The following CELF5 variants were observed in gnomAD, a reference collection of about 807,000 sequenced individuals.
The protein encoded by CELF5 is CUG-BP and ETR-3 like factor 5.
Under a neutral mutation model 54.9 loss-of-function variants are expected in CELF5, and 6 were observed. The observed-to-expected ratio is 0.11, with a 90% CI of 0.06 to 0.22. The LOEUF (loss-of-function observed/expected upper bound fraction) is 0.22, where lower values mean the gene tolerates loss of function less well. Ranked by LOEUF, CELF5 falls within the 10% of genes least tolerant of loss-of-function variation. CELF5 has a pLI of 1.00. For synonymous variants in CELF5, 271 were observed against 290.9 expected (o/e 0.93, Z 0.70); for missense variants, 401 against 678.6 (o/e 0.59, Z 4.54).
intron 2 of CELF5, among the ~76,000 whole-genome samples, chr19:3,271,418 G>T (rs564924106): frequency 6.6e-6 from 1 of 152,256 alleles, no homozygotes; most frequent in South Asian, 2.1e-4. Flanking sequence ...CTGGCTGGGT[G>T]GGGGAAGAGC....
At chr19:3,262,672 C>A (rs561993253) in intron 2 of CELF5, among the ~76,000 whole-genome samples, 1 of 152,052 alleles carries the variant, frequency 6.6e-6, no homozygotes, top group Non-Finnish European at 1.5e-5. Flanking sequence ...ACTTAAGGGC[C>A]GGGCGCAGTG....
At chr19:3,239,551 T>G (rs1219756665) in intron 1 of CELF5, among the ~76,000 whole-genome samples, 1 of 150,518 alleles carries the variant, frequency 6.6e-6, no homozygotes, top group Non-Finnish European at 1.5e-5. Flanking sequence ...TTTTTTTTTT[T>G]CAGTAGAGTT....
rs1182316528 is a variant in CELF5 at position 3,282,456 on chromosome 19, G to T, written c.997G>T (p.Ala333Ser). 1.2e-6 allele frequency: 2 copies of T among 1,613,660 alleles called. No individual in the cohort carries two copies. Among genetic ancestry groups the T allele is most frequent in the Non-Finnish European group, 1.7e-6 (2 of 1,180,046 alleles). ...GVVPFPGGHP[A>S]LETVYANGLV... ...CGTGCCCTTTCCAGGTGGGCACCCTGCCCTGGAAACCGTCTATGCCAATGG... is the reference window on the plus strand; with the variant it reads ...CGTGCCCTTTCCAGGTGGGCACCCTTCCCTGGAAACCGTCTATGCCAATGG... The change falls in exon 8 of 13, where the codon GCC (alanine) becomes TCC (serine). Residue 333 changes from alanine (A) to serine (S), a missense_variant. Physicochemically the swap from Ala to Ser is moderately conservative, Grantham distance 99. This residue lies in a region of CELF5 where 143 missense variants were observed against 147.6 expected (regional missense o/e 0.97). Coordinates refer to ENST00000292672, the MANE Select transcript of CELF5 (RefSeq NM_021938.4). The surrounding 1 kb of genome is among the most constrained non-coding windows in gnomAD (Gnocchi z 5.2).
At chr19:3,290,595 G>A (rs571006482) in intron 11 of CELF5, among the ~76,000 whole-genome samples, 7 of 142,352 alleles carry the variant, frequency 4.9e-5, no homozygotes, top group Non-Finnish European at 9.0e-5. Flanking sequence ...ACAGAGTCTC[G>A]CTCTGTCGCC....
At chr19:3,244,185 G>GGAAGATTT (rs894812276) in intron 1 of CELF5, among the ~76,000 whole-genome samples, 4 of 152,060 alleles carry the variant, frequency 2.6e-5, no homozygotes, top group African/African-American at 9.7e-5. Context: ...GAAGCCATAA[G>GGAAGATTT]GAAGATTTTC....
At chr19:3,264,575 C>G (rs138070773) in intron 2 of CELF5, among the ~76,000 whole-genome samples, 1 of 151,882 alleles carries the variant, frequency 6.6e-6, no homozygotes, top group African/African-American at 2.4e-5. Context: ...GCCACCACGC[C>G]CGGCTAATGT....
chr19:3,240,814 T>A (rs913525098), intron 1 of CELF5, among the ~76,000 whole-genome samples: 3 of 151,844 alleles, frequency 2.0e-5, no homozygotes, highest in Admixed American at 2.0e-4. Flanking sequence ...GACAGGAGTG[T>A]CAGGCTCTGC....
intron 10 of CELF5, among the ~76,000 whole-genome samples, chr19:3,289,681 C>CAAAAA (rs35144942): frequency 0.043 from 2,022 of 47,134 alleles, 446 homozygotes; most frequent in Middle Eastern, 0.074. Context: ...GACTCCATCT[C>CAAAAA]AAAAAAAAAA....
intron 1 of CELF5, among the ~76,000 whole-genome samples, chr19:3,230,432 T>A (rs1917201443): frequency 6.6e-6 from 1 of 152,220 alleles, no homozygotes; most frequent in African/African-American, 2.4e-5. Flanking sequence ...GGTACATGTC[T>A]TGACTTCCTG....
rs1491140762 is a variant in CELF5 at position 3,248,905 on chromosome 19, C to CCTTCCTTCCTTT, written c.260-2077_260-2076insCCTTCCTTTCTT. ...TCCTTCCTTCCTTCCTTCCTTCCTT[C>CCTTCCTTCCTTT]CTTTCTTTCTTTCTTTCTTTCTTTT... On this transcript the variant is annotated intron_variant, in intron 1 of 12. Transcript: ENST00000292672. Among the ~76,000 whole-genome samples, 313 of 94,116 alleles carry CCTTCCTTCCTTT rather than the reference C, an allele frequency of 3.3e-3. 1 individual carries two copies. Among genetic ancestry groups the CCTTCCTTCCTTT allele is most frequent in the East Asian group, 0.026 (47 of 1,838 alleles). The allele number at this position is 94,116 out of a possible 152,430, so 61.7% of individuals were successfully genotyped here.
chr19:3,252,513 G>A (rs2079665291), intron 2 of CELF5, among the ~76,000 whole-genome samples: 1 of 152,178 alleles, frequency 6.6e-6, no homozygotes, highest in Non-Finnish European at 1.5e-5. Context: ...TCTGGGGCAG[G>A]GAGCTCACCC....
At chr19:3,231,286 G>T (rs919024670) in intron 1 of CELF5, among the ~76,000 whole-genome samples, 10 of 152,216 alleles carry the variant, frequency 6.6e-5, no homozygotes, top group African/African-American at 2.4e-4. Flanking sequence ...GAATGGATGG[G>T]CTGGCTAACA....
rs1180949074 is a variant in CELF5, at chr19:3,291,598, G to A, written c.1330+1224G>A. ...AAAAAAAAAAAAAAAAAGAACTGAGGCCTGAATGAGGAGCACCAGGCATGG... is the reference window on the plus strand; with the variant it reads ...AAAAAAAAAAAAAAAAAGAACTGAGACCTGAATGAGGAGCACCAGGCATGG... On this transcript the variant is annotated intron_variant, in intron 11 of 12. Coordinates refer to ENST00000292672, the MANE Select transcript of CELF5 (RefSeq NM_021938.4). Among the ~76,000 whole-genome samples, 11 of 148,090 alleles carry A rather than the reference G, an allele frequency of 7.4e-5. No individual in the cohort carries two copies. In the South Asian group the frequency reaches 2.1e-3, roughly 29 times the overall value.
Position 3,224,681 on chromosome 19 carries a change from C to G in CELF5, c.-59C>G. 1 of 988,890 alleles carries G rather than the reference C, an allele frequency of 1.0e-6. No homozygotes were observed. The highest frequency in any genetic ancestry group is 1.1e-4 in the East Asian group (1 of 8,958). The allele number at this position is 988,890 out of a possible 1,614,324, so 61.3% of individuals were successfully genotyped here. A position where few individuals can be genotyped will look rare whatever the true frequency, so the allele number is the denominator to read the frequency against. ...GAGGCGGGAGGCGCGGCCGCCGCTC[C>G]AGCTGCGAGTCCGCCCGCCGCCCGC... is the stretch of plus-strand genomic sequence containing the variant. On this transcript the variant is annotated 5_prime_UTR_variant, in exon 1 of 13. Transcript: ENST00000292672.
At chr19:3,242,695 A>T (rs2079508294) in intron 1 of CELF5, among the ~76,000 whole-genome samples, 1 of 151,830 alleles carries the variant, frequency 6.6e-6, no homozygotes, top group African/African-American at 2.4e-5. Context: ...AATCCCAGCT[A>T]CTTGGGAGGC....
At chr19:3,235,138 T>C (rs896653130) in intron 1 of CELF5, among the ~76,000 whole-genome samples, 1 of 152,210 alleles carries the variant, frequency 6.6e-6, no homozygotes, top group African/African-American at 2.4e-5. Flanking sequence ...GGCGTGGTCC[T>C]ACTCCAGGAC....
At chr19:3,245,010 T>C (rs1365752960) in intron 1 of CELF5, among the ~76,000 whole-genome samples, 2 of 149,994 alleles carry the variant, frequency 1.3e-5, no homozygotes, top group Non-Finnish European at 3.0e-5. Flanking sequence ...TCTGTGCGTG[T>C]GTGTGTAGTG....
intron 2 of CELF5, among the ~76,000 whole-genome samples, chr19:3,272,345 G>C (rs2079980261): frequency 6.6e-6 from 1 of 151,226 alleles, no homozygotes; most frequent in African/African-American, 2.4e-5. Flanking sequence ...TTCCAGCCTG[G>C]CAACAGAGTG....
chr19:3,255,005 C>T (rs1374241064), intron 2 of CELF5, among the ~76,000 whole-genome samples: 2 of 152,172 alleles, frequency 1.3e-5, no homozygotes, highest in Non-Finnish European at 2.9e-5. Context: ...CACATCCATT[C>T]ACCCATCTAC....
Sources: gnomAD v4.1 joint callset for allele counts (sites outside exome capture counted in the v4.1 genomes callset) on GRCh38, gnomAD v4.1.1 for gene constraint, gnomAD v4.1.1 regional missense constraint, Gnocchi (gnomAD v3.1) non-coding constraint, MANE v1.5 for transcripts, NCBI Gene and HGNC (gene_info 2026-07-23, HGNC 2026-07-21) for gene names.